Variants in CRTC1 observed in about 807,000 individuals in gnomAD.
The protein encoded by CRTC1 is CREB regulated transcription coactivator 1, also known as CREB-regulated transcription coactivator 1.
In CRTC1, 18 loss-of-function variants were observed where a neutral mutation model predicts 66.1. The observed-to-expected ratio is 0.27, with a 90% CI of 0.19 to 0.40. The LOEUF (loss-of-function observed/expected upper bound fraction) is 0.40, where lower values mean the gene tolerates loss of function less well. CRTC1 is among the 10% of genes least tolerant of loss of function. The pLI is 1.00. For synonymous variants in CRTC1, 416 were observed against 398.8 expected (o/e 1.04, Z -0.51); for missense variants, 669 against 887.9 (o/e 0.75, Z 3.13).
intron 1 of CRTC1, among the ~76,000 whole-genome samples, chr19:18,732,100 G>A (rs887871327): frequency 2.6e-5 from 4 of 152,116 alleles, no homozygotes; most frequent in Non-Finnish European, 5.9e-5. Context: ...GGCCCCCAGG[G>A]GCAGGGCATG....
chr19:18,724,461 A>G (rs1428780844), intron 1 of CRTC1, among the ~76,000 whole-genome samples: 2 of 151,970 alleles, frequency 1.3e-5, no homozygotes, highest in African/African-American at 4.8e-5. Flanking sequence ...GGCTGCTGTA[A>G]TATATTAAAG....
intron 1 of CRTC1, among the ~76,000 whole-genome samples, chr19:18,706,439 C>T (rs750188851): frequency 2.6e-5 from 4 of 151,906 alleles, no homozygotes; most frequent in Non-Finnish European, 5.9e-5. Flanking sequence ...CTCTTGACCT[C>T]AGATGATCCC....
Position 18,760,234 on chromosome 19 carries a change from G to T in CRTC1, c.886+6G>T. ...CATCGGTGGCGCCGGCCAGGGTAAGGCAGGGACACTCCGCCCTCGGACAGA... is the reference window on the plus strand; with the variant it reads ...CATCGGTGGCGCCGGCCAGGGTAAGTCAGGGACACTCCGCCCTCGGACAGA... On this transcript the variant is annotated splice_donor_region_variant and intron_variant, in intron 8 of 13. Coordinates refer to ENST00000321949, the MANE Select transcript of CRTC1 (RefSeq NM_015321.3). This position sits in a 1 kb window ranked among gnomAD's most constrained non-coding sequence, Gnocchi z 6.2. The T allele has an allele frequency of 6.3e-7, 1 of 1,585,588 alleles. No individual in the cohort carries two copies. The highest frequency in any genetic ancestry group is 8.6e-7 in the Non-Finnish European group (1 of 1,166,854).
intron 1 of CRTC1, among the ~76,000 whole-genome samples, chr19:18,693,479 G>GTTTT (rs1294890403): frequency 7.7e-6 from 1 of 129,718 alleles, no homozygotes; most frequent in Admixed American, 7.7e-5. Context: ...TAACTCTTTT[G>GTTTT]TTTTTGTTTT....
At chr19:18,707,721 A>G (rs1426957107) in intron 1 of CRTC1, among the ~76,000 whole-genome samples, 2 of 152,212 alleles carry the variant, frequency 1.3e-5, no homozygotes, top group Non-Finnish European at 2.9e-5. Context: ...GTGGCCGGGC[A>G]CAGTGGTTCA....
intron 6 of CRTC1, among the ~76,000 whole-genome samples, chr19:18,757,996 C>T (rs894455360): frequency 2.2e-4 from 31 of 142,878 alleles, no homozygotes; most frequent in African/African-American, 8.0e-4. Context: ...CCAGCCTGGG[C>T]GACAGAGCCA....
At position 18,779,133 on chromosome 19, in the gene CRTC1, T is replaced by G. The variant is rs1404711163; in HGVS notation, c.*1751T>G. ...CCCAAAACTGCATTGCGGCTCTCGC[T>G]CGCTCCTGCCTGCCGGGACAGCGCC... On this transcript the variant is annotated 3_prime_UTR_variant, in exon 14 of 14. Transcript: ENST00000321949. 4.3e-6 allele frequency: 1 copy of G among 232,774 alleles called. No individual in the cohort carries two copies. Among genetic ancestry groups the G allele is most frequent in the East Asian group, 6.1e-5 (1 of 16,466 alleles). 14.4% of individuals were successfully genotyped at this position (232,774 alleles called of 1,614,324 possible).
chr19:18,721,337 G>A (rs2053625500), intron 1 of CRTC1, among the ~76,000 whole-genome samples: 1 of 151,954 alleles, frequency 6.6e-6, no homozygotes, highest in Non-Finnish European at 1.5e-5. Flanking sequence ...GGGACTTCAG[G>A]CGCCCGCCAC....
intron 1 of CRTC1, among the ~76,000 whole-genome samples, chr19:18,694,757 G>C (rs1377343256): frequency 6.6e-6 from 1 of 152,184 alleles, no homozygotes; most frequent in Non-Finnish European, 1.5e-5. Flanking sequence ...TCACAGAAGG[G>C]ATTGGCTGGC....
chr19:18,715,259 G>T (rs1441977961), intron 1 of CRTC1, among the ~76,000 whole-genome samples: 2 of 151,916 alleles, frequency 1.3e-5, no homozygotes, highest in African/African-American at 4.8e-5. Context: ...ACAGAGACTC[G>T]CTTTGCCACC....
chr19:18,767,302 C>T (rs141078316), intron 9 of CRTC1, among the ~76,000 whole-genome samples: 202 of 152,008 alleles, frequency 1.3e-3, no homozygotes, highest in African/African-American at 4.8e-3. Context: ...CAGGTTCAAG[C>T]GATTTTCGTG....
At chr19:18,759,829 G>A (rs771350679) in intron 7 of CRTC1, among the ~76,000 whole-genome samples, 179 bp from the exon 8 acceptor site, 1 of 152,068 alleles carries the variant, frequency 6.6e-6, no homozygotes, top group South Asian at 2.1e-4. Flanking sequence ...TCCTCACCGG[G>A]TGATAGGCTG....
chr19:18,690,125 G>A (rs1273129304), intron 1 of CRTC1, among the ~76,000 whole-genome samples: 1 of 151,896 alleles, frequency 6.6e-6, no homozygotes, highest in Non-Finnish European at 1.5e-5. Context: ...CTGCTTGCCA[G>A]GGGTTCAGGA....
intron 13 of CRTC1, 133 bp downstream of exon 13, chr19:18,775,954 G>A (rs1193781275): frequency 7.5e-6 from 7 of 937,672 alleles, no homozygotes; most frequent in African/African-American, 1.7e-5. Flanking sequence ...ATGGGGGCCT[G>A]AGGAGGCCAC....
chr19:18,770,278 C>T (rs969212548), intron 10 of CRTC1, among the ~76,000 whole-genome samples: 13 of 152,346 alleles, frequency 8.5e-5, no homozygotes, highest in African/African-American at 2.6e-4. Flanking sequence ...GTGAGATGCC[C>T]GGGCCTTTCG....
At chr19:18,694,328 C>T (rs368451529) in intron 1 of CRTC1, among the ~76,000 whole-genome samples, 5 of 149,284 alleles carry the variant, frequency 3.3e-5, no homozygotes, top group South Asian at 4.2e-4. Flanking sequence ...GAAGAAGAGA[C>T]GAAGAAAAAA....
Position 18,768,424 on chromosome 19 carries a change from C to A in CRTC1, c.1012-61C>A. On this transcript the variant is annotated intron_variant, in intron 9 of 13. Transcript: ENST00000321949. This position sits in a 1 kb window ranked among gnomAD's most constrained non-coding sequence, Gnocchi z 5.6. ...GCTGAGCATGCCAGGCTATGGGGGC[C>A]CGAGGGGGCCAGGCGCTGACAACCA... is the stretch of plus-strand genomic sequence containing the variant. 6.8e-7 allele frequency: 1 copy of A among 1,467,624 alleles called. No homozygotes were observed. Among genetic ancestry groups the A allele is most frequent in the Non-Finnish European group, 9.3e-7 (1 of 1,071,440 alleles). The allele number at this position is 1,467,624 out of a possible 1,614,324, so 90.9% of individuals were successfully genotyped here.
intron 1 of CRTC1, among the ~76,000 whole-genome samples, chr19:18,711,977 C>G (rs1482428984): frequency 6.6e-6 from 1 of 152,182 alleles, no homozygotes; most frequent in African/African-American, 2.4e-5. Context: ...GAGACAGGGT[C>G]TTGCTCTGTT....
rs2054945255 is a variant in CRTC1 at position 18,774,786 on chromosome 19, T to A, written c.1426-114T>A. On this transcript the variant is annotated intron_variant, in intron 11 of 13. Coordinates refer to ENST00000321949, the MANE Select transcript of CRTC1 (RefSeq NM_015321.3). ...CCCAAAATAAGCATCATCATCAGCC[T>A]CCTGCCGTCTGGGAGGTTCCAGGGG... is the stretch of plus-strand genomic sequence containing the variant. 11 of 931,012 alleles carry A rather than the reference T, an allele frequency of 1.2e-5. 1 individual carries two copies. The Middle Eastern group carries it at 2.0e-3, about 168-fold the overall frequency. 57.7% of individuals were successfully genotyped at this position (931,012 alleles called of 1,614,324 possible).
Sources: allele counts gnomAD v4.1 joint callset (sites outside exome capture counted in the v4.1 genomes callset), GRCh38; gene constraint gnomAD v4.1.1; non-coding constraint Gnocchi (gnomAD v3.1); transcripts MANE v1.5; gene names NCBI Gene and HGNC (gene_info 2026-07-23, HGNC 2026-07-21).